Variants in MTG2 observed in about 807,000 individuals in gnomAD.
The protein encoded by MTG2 is mitochondrial ribosome-associated GTPase 2.
A neutral mutation model predicts 28.6 loss-of-function variants in MTG2; 23 were observed. The ratio of observed to expected loss-of-function variants is 0.80; its 90% CI spans 0.58 to 1.14. MTG2 has a LOEUF of 1.14. Ranked by LOEUF, MTG2 falls within the 50% of genes most tolerant of loss-of-function variation. The pLI, the probability that MTG2 is intolerant of heterozygous loss-of-function variation, is 0.00. For synonymous variants in MTG2, 260 were observed against 251.8 expected, an observed-to-expected ratio of 1.03 and a Z score of -0.31; for missense variants, 539 against 552.0, an observed-to-expected ratio of 0.98 and a Z score of 0.24.
intron 5 of MTG2, 64 bp downstream of exon 5, chr20:62,198,916 A>G (rs540210680): frequency 3.5e-4 from 557 of 1,600,384 alleles, no homozygotes; most frequent in South Asian, 8.5e-4. Context: ...ACTTTTCTCA[A>G]TGGGGATTTG....
intron 2 of MTG2, among the ~76,000 whole-genome samples, chr20:62,194,391 C>T (rs950901410): frequency 6.6e-6 from 1 of 152,212 alleles, no homozygotes; most frequent in South Asian, 2.1e-4. Context: ...CTTGTCTCCT[C>T]CCCAGGAGAG....
chr20:62,184,156 A>G (rs2057786556), intron 1 of MTG2, among the ~76,000 whole-genome samples: 1 of 152,248 alleles, frequency 6.6e-6, no homozygotes, highest in Non-Finnish European at 1.5e-5. Context: ...CAGGAGTTAA[A>G]GACCAGCCTG....
intron 5 of MTG2, 115 bp from the exon 6 acceptor site, chr20:62,199,004 G>A (rs1030456942): frequency 5.8e-6 from 9 of 1,553,834 alleles, no homozygotes; most frequent in Non-Finnish European, 7.9e-6. Context: ...GTGAGCATGA[G>A]CCCTTGTGAC....
chr20:62,191,060 G>A lies in MTG2; in HGVS notation c.-5-2356G>A, dbSNP rs1601089680. Among the ~76,000 whole-genome samples the A allele has an allele frequency of 1.1e-4, 16 of 152,290 alleles. No homozygotes were observed. In the South Asian group the frequency reaches 3.3e-3, roughly 32 times the overall value. On this transcript the variant is annotated intron_variant, in intron 1 of 6. Transcript: ENST00000370823. ...ATATCTTAAAGTGCATGGAGGCCCG[G>A]TTTCTTATAGGCGGAGAATGGAGTT... is the stretch of plus-strand genomic sequence containing the variant.
At chr20:62,196,086 G>A in intron 3 of MTG2, 137 bp downstream of exon 3, 2 of 1,052,232 alleles carry the variant, frequency 1.9e-6, no homozygotes, top group Admixed American at 2.4e-5. Flanking sequence ...GCTGAGGCAG[G>A]AGGATCACTT....
At position 62,200,935 on chromosome 20, in the gene MTG2, G is replaced by A. The variant is rs141396472; in HGVS notation, c.1079G>A (p.Arg360Gln). Residue 360 changes from arginine (R) to glutamine (Q), a missense_variant, in exon 7 of 7, where the codon CGG becomes CAG. Physicochemically the swap from Arg to Gln is conservative, Grantham distance 43. Coordinates refer to ENST00000370823, the MANE Select transcript of MTG2 (RefSeq NM_015666.4). ...GCCCAAGCCAATCTGTCCCAGCTCC[G>A]GGATCACTTGGGACAGGAGGTCATC... ...PEAQANLSQL[R>Q]DHLGQEVIVL... 49 of 1,613,938 alleles carry A rather than the reference G, an allele frequency of 3.0e-5. No homozygotes were observed. The highest frequency in any genetic ancestry group is 1.6e-4 in the Middle Eastern group (1 of 6,084).
intron 2 of MTG2, 124 bp downstream of exon 2, chr20:62,193,748 C>T (rs936617809): frequency 6.6e-6 from 6 of 914,556 alleles, no homozygotes; most frequent in African/African-American, 3.4e-5. Context: ...TGATGGGGCA[C>T]GTGGAGCTTC....
At chr20:62,196,696 A>G (rs1210228399) in intron 3 of MTG2, among the ~76,000 whole-genome samples, 2 of 151,590 alleles carry the variant, frequency 1.3e-5, no homozygotes, top group East Asian at 3.9e-4. Context: ...ACAAACAAAC[A>G]AAAAAAACCC....
intron 2 of MTG2, among the ~76,000 whole-genome samples, chr20:62,195,410 T>C (rs956997751): frequency 6.6e-6 from 1 of 152,212 alleles, no homozygotes. Context: ...AGATCTATGA[T>C]TTCAGGAATG....
Position 62,199,116 on chromosome 20 carries a change from C to G in MTG2, c.688-3C>G, listed in dbSNP as rs568419603. 1 of 1,613,866 alleles carries G rather than the reference C, an allele frequency of 6.2e-7. No individual in the cohort carries two copies. The highest frequency in any genetic ancestry group is 1.3e-5 in the African/African-American group (1 of 74,938). On this transcript the variant is annotated splice_region_variant and splice_polypyrimidine_tract_variant and intron_variant, in intron 5 of 6. Transcript: ENST00000370823. Reference sequence around the variant, plus strand: ...GTGCCACCGTCTTCCCTCTTTCCCCCAGGTGGGATTCCCCAACGCCGGGAA... The same window carrying G: ...GTGCCACCGTCTTCCCTCTTTCCCCGAGGTGGGATTCCCCAACGCCGGGAA...
intron 1 of MTG2, among the ~76,000 whole-genome samples, chr20:62,186,070 G>A (rs1601082914): frequency 9.1e-6 from 1 of 110,304 alleles, no homozygotes; most frequent in Non-Finnish European, 2.1e-5. Flanking sequence ...CAGAATATCC[G>A]GGCTGGATGG....
chr20:62,199,706 T>A (rs1166519413), intron 6 of MTG2, among the ~76,000 whole-genome samples: 1 of 145,966 alleles, frequency 6.9e-6, no homozygotes, highest in Non-Finnish European at 1.5e-5. Flanking sequence ...TTTTTTTTTT[T>A]TTTTTTGAGA....
At position 62,201,018 on chromosome 20, in the gene MTG2, C is replaced by T. The variant is rs761253594; in HGVS notation, c.1162C>T (p.Leu388=). 2 of 1,612,596 alleles carry T rather than the reference C, an allele frequency of 1.2e-6. No homozygotes were observed. The highest frequency in any genetic ancestry group is 2.2e-5 in the South Asian group (2 of 91,064). The change falls in exon 7 of 7, where the codon CTG becomes TTG. Residue 388 remains leucine, a synonymous_variant. Coordinates refer to ENST00000370823, the MANE Select transcript of MTG2 (RefSeq NM_015666.4). ...LEQLLLHLKV[L]YDAYAEAELG... Reference sequence around the variant, plus strand: ...GCAGCTGCTGTTGCACCTGAAGGTGCTGTATGACGCCTACGCGGAGGCCGA... The same window carrying T: ...GCAGCTGCTGTTGCACCTGAAGGTGTTGTATGACGCCTACGCGGAGGCCGA...
chr20:62,196,162 T>TG (rs58040616), intron 3 of MTG2, among the ~76,000 whole-genome samples: 14,217 of 135,872 alleles, frequency 0.1, 1,201 homozygotes, highest in East Asian at 0.54. Flanking sequence ...TTTGTTTGTT[T>TG]TTTTGTTTTT....
chr20:62,190,596 G>A (rs978936551), intron 1 of MTG2, among the ~76,000 whole-genome samples: 5 of 152,226 alleles, frequency 3.3e-5, no homozygotes, highest in Admixed American at 2.0e-4. Context: ...AGAATACCTC[G>A]GTGCCTCTTT....
Position 62,202,438 on chromosome 20 carries a change from A to AAAACAAAC in MTG2, c.*1377_*1384dup, listed in dbSNP as rs150565894. 2.6e-5 allele frequency: 4 copies of AAAACAAAC among 155,532 alleles called. No individual in the cohort carries two copies. The highest frequency in any genetic ancestry group is 9.7e-5 in the African/African-American group (4 of 41,286). The allele number at this position is 155,532 out of a possible 1,614,324, so 9.6% of individuals were successfully genotyped here. A position where few individuals can be genotyped will look rare whatever the true frequency, so the allele number is the denominator to read the frequency against. ...GTGACAGAGCGAGACCCTGTCTCAA[A>AAAACAAAC]AAACAAACAAACAAACAAACAAAAA... On this transcript the variant is annotated 3_prime_UTR_variant, in exon 7 of 7. Transcript: ENST00000370823.
intron 1 of MTG2, among the ~76,000 whole-genome samples, chr20:62,191,729 G>A (rs1030704438): frequency 6.6e-6 from 1 of 152,082 alleles, no homozygotes; most frequent in Admixed American, 6.6e-5. Context: ...GTCAGGATGG[G>A]GAGCACCTTG....
At position 62,203,343 on chromosome 20, in the gene MTG2, C is replaced by G. The variant is rs1568797284; in HGVS notation, c.*2266C>G. On this transcript the variant is annotated 3_prime_UTR_variant, in exon 7 of 7. Transcript: ENST00000370823. ...TGCCACGAAGGTTGCCCAGAACTTTCCTTGCTGCAAAAAGCCCCAAGACTT... is the reference window on the plus strand; with the variant it reads ...TGCCACGAAGGTTGCCCAGAACTTTGCTTGCTGCAAAAAGCCCCAAGACTT... 6.6e-6 allele frequency: 1 copy of G among 152,262 alleles called. No homozygotes were observed. Among genetic ancestry groups the G allele is most frequent in the Non-Finnish European group, 1.5e-5 (1 of 68,066 alleles). The allele number at this position is 152,262 out of a possible 1,614,324, so 9.4% of individuals were successfully genotyped here.
chr20:62,200,353 C>G (rs1465275124), intron 6 of MTG2: 1 of 259,806 alleles, frequency 3.8e-6, no homozygotes, highest in East Asian at 7.8e-5. Flanking sequence ...TAGTAGAGTA[C>G]AGGCAGCCAT....
Sources: gnomAD v4.1 joint callset for allele counts (sites outside exome capture counted in the v4.1 genomes callset) on GRCh38, gnomAD v4.1.1 for gene constraint, MANE v1.5 for transcripts, NCBI Gene and HGNC (gene_info 2026-07-23, HGNC 2026-07-21) for gene names.